GABRG3: variants seen among roughly 807,000 people sequenced by gnomAD.
GABRG3 encodes gamma-aminobutyric acid type A receptor subunit gamma3.
Under a neutral mutation model 48.8 loss-of-function variants are expected in GABRG3, and 25 were observed. The observed-to-expected ratio is 0.51, with a 90% CI of 0.37 to 0.72. The LOEUF (loss-of-function observed/expected upper bound fraction) is 0.72. Among genes scored for constraint, GABRG3 ranks in the 30% least tolerant of loss-of-function variants. The pLI, the probability that GABRG3 is intolerant of heterozygous loss-of-function variation, is 0.00. For synonymous variants in GABRG3, 227 were observed against 217.6 expected (o/e 1.04, Z -0.38); for missense variants, 394 against 577.9 (o/e 0.68, Z 3.26).
intron 3 of GABRG3, among the ~76,000 whole-genome samples, chr15:27,096,033 A>G (rs1897261053): frequency 6.6e-6 from 1 of 152,144 alleles, no homozygotes; most frequent in East Asian, 1.9e-4. Context: ...CAGGCTGCAG[A>G]TCCTTGCATT....
chr15:27,206,870 C>G (rs550983565), intron 3 of GABRG3, among the ~76,000 whole-genome samples: 1 of 151,978 alleles, frequency 6.6e-6, no homozygotes, highest in Non-Finnish European at 1.5e-5. Flanking sequence ...GAATAGCAAC[C>G]GGTGCTCTTT....
rs573903283 is a variant in GABRG3 at position 27,086,064 on chromosome 15, G to A, written c.270+59243G>A. Among the ~76,000 whole-genome samples the A allele has an allele frequency of 4.0e-5, 6 of 150,322 alleles. No individual in the cohort carries two copies. In the South Asian group the frequency reaches 1.3e-3, roughly 32 times the overall value. On this transcript the variant is annotated intron_variant, in intron 3 of 9. Coordinates refer to ENST00000615808, the MANE Select transcript of GABRG3 (RefSeq NM_033223.5). ...CTTCTAAACTTTCCTTGGTTTTTAA[G>A]ATTAAATATTACATACAGTTTAACA...
intron 3 of GABRG3, among the ~76,000 whole-genome samples, chr15:27,195,841 G>A (rs1199636741): frequency 6.6e-6 from 1 of 152,046 alleles, no homozygotes; most frequent in African/African-American, 2.4e-5. Context: ...CACTATTTTG[G>A]CCAGGCTGGC....
chr15:27,203,780 C>T (rs982164783), intron 3 of GABRG3, among the ~76,000 whole-genome samples: 16 of 152,094 alleles, frequency 1.1e-4, no homozygotes, highest in African/African-American at 3.4e-4. Flanking sequence ...TTGCATTTCC[C>T]TAAAGAGTAG....
chr15:27,161,430 G>A (rs1887183348), intron 3 of GABRG3: 1 of 152,148 alleles, frequency 6.6e-6, no homozygotes, highest in Non-Finnish European at 1.5e-5. Flanking sequence ...TTGTGCCACA[G>A]CAGAGGAACC....
At position 27,174,905 on chromosome 15, in the gene GABRG3, C is replaced by G. The variant is rs1887697960; in HGVS notation, c.270+148084C>G. ...AGAGGGGAATGGCATTTAGAAAATA[C>G]CATCTGACACCTTGGGCATCGGCAC... On this transcript the variant is annotated intron_variant, in intron 3 of 9. Coordinates refer to ENST00000615808, the MANE Select transcript of GABRG3 (RefSeq NM_033223.5). 1.3e-5 allele frequency among the ~76,000 whole-genome samples: 2 copies of G among 152,162 alleles called. 1 individual carries two copies. Among genetic ancestry groups the G allele is most frequent in the Admixed American group, 1.3e-4 (2 of 15,274 alleles).
chr15:27,156,385 G>GTTTAA (rs1898429999), intron 3 of GABRG3, among the ~76,000 whole-genome samples: 1 of 151,452 alleles, frequency 6.6e-6, no homozygotes, highest in African/African-American at 2.4e-5. Context: ...ACTAGAGAGA[G>GTTTAA]CTGGCTTCTG....
At chr15:27,471,464 T>C (rs539527650) in intron 5 of GABRG3, among the ~76,000 whole-genome samples, 44 of 152,196 alleles carry the variant, frequency 2.9e-4, no homozygotes, top group Non-Finnish European at 6.2e-4. Context: ...AATCCTAAAC[T>C]TGTGGTCTTT....
intron 3 of GABRG3, among the ~76,000 whole-genome samples, chr15:27,255,810 G>T (rs972853795): frequency 2.0e-5 from 3 of 152,182 alleles, no homozygotes; most frequent in Non-Finnish European, 4.4e-5. Flanking sequence ...GGGTGGGCAG[G>T]TTCTGGGGAT....
At chr15:27,128,081 G>C (rs1237124903) in intron 3 of GABRG3, among the ~76,000 whole-genome samples, 1 of 152,210 alleles carries the variant, frequency 6.6e-6, no homozygotes, top group Non-Finnish European at 1.5e-5. Context: ...GTGGTTTGAG[G>C]CCAGGGATGG....
At chr15:27,108,203 C>T (rs559730332) in intron 3 of GABRG3, among the ~76,000 whole-genome samples, 46 of 152,112 alleles carry the variant, frequency 3.0e-4, no homozygotes, top group African/African-American at 1.1e-3. Context: ...ACCAGTTTTC[C>T]TCTCAGCACT....
At chr15:27,193,480 G>C (rs1888396797) in intron 3 of GABRG3, among the ~76,000 whole-genome samples, 1 of 151,954 alleles carries the variant, frequency 6.6e-6, no homozygotes, top group African/African-American at 2.4e-5. Context: ...AGACTGCTGT[G>C]CTAGCAATCA....
chr15:27,169,383 C>T (rs1461991186), intron 3 of GABRG3, among the ~76,000 whole-genome samples: 1 of 151,964 alleles, frequency 6.6e-6, no homozygotes, highest in Non-Finnish European at 1.5e-5. Context: ...GGGGAAGCAC[C>T]GCCCATTGGA....
chr15:27,424,464 A>G (rs1391572269), intron 5 of GABRG3, among the ~76,000 whole-genome samples: 1 of 151,718 alleles, frequency 6.6e-6, no homozygotes, highest in Non-Finnish European at 1.5e-5. Flanking sequence ...TGGGAGGGAG[A>G]CAGCTCCCTT....
chr15:26,972,521 T>A (rs1255177574), intron 1 of GABRG3, among the ~76,000 whole-genome samples: 2 of 152,230 alleles, frequency 1.3e-5, no homozygotes, highest in Non-Finnish European at 2.9e-5. Flanking sequence ...GTCTGGCCTT[T>A]ACCTCTTTCC....
chr15:27,343,171 G>A (rs1894249059), intron 5 of GABRG3, among the ~76,000 whole-genome samples: 1 of 152,146 alleles, frequency 6.6e-6, no homozygotes, highest in Non-Finnish European at 1.5e-5. Context: ...AACACGAAGG[G>A]GAGGGAGGAA....
intron 3 of GABRG3, among the ~76,000 whole-genome samples, chr15:27,139,686 G>A (rs1566945195): frequency 6.6e-6 from 1 of 152,102 alleles, no homozygotes; most frequent in Non-Finnish European, 1.5e-5. Flanking sequence ...TTTGGTCTGT[G>A]ACCCTGTTTC....
Position 27,027,064 on chromosome 15 carries a change from T to C in GABRG3, c.270+243T>C, listed in dbSNP as rs1895998118. 11 of 393,064 alleles carry C rather than the reference T, an allele frequency of 2.8e-5. No individual in the cohort carries two copies. In the South Asian group the frequency reaches 6.0e-4, roughly 22 times the overall value. 24.3% of individuals were successfully genotyped at this position (393,064 alleles called of 1,614,324 possible). A position where few individuals can be genotyped will look rare whatever the true frequency, so the allele number is the denominator to read the frequency against. Reference sequence around the variant, plus strand: ...CAACATCCAAGAGACCTGTCTTTTATAGTGTTTCTTAGGAAAGGATTCGAG... The same window carrying C: ...CAACATCCAAGAGACCTGTCTTTTACAGTGTTTCTTAGGAAAGGATTCGAG... On this transcript the variant is annotated intron_variant, in intron 3 of 9. Transcript: ENST00000615808.
chr15:27,110,664 T>C (rs1329161104), intron 3 of GABRG3, among the ~76,000 whole-genome samples: 1 of 152,064 alleles, frequency 6.6e-6, no homozygotes, highest in Non-Finnish European at 1.5e-5. Context: ...TTTAAGTTGG[T>C]GAGTTTTTTT....
Sources: allele counts gnomAD v4.1 joint callset (sites outside exome capture counted in the v4.1 genomes callset), GRCh38; gene constraint gnomAD v4.1.1; transcripts MANE v1.5; gene names NCBI Gene and HGNC (gene_info 2026-07-23, HGNC 2026-07-21).